Variants in LYRM4 observed in about 807,000 individuals in gnomAD.
LYRM4 encodes the protein LYR motif containing 4.
In LYRM4, 9 loss-of-function variants were observed where a neutral mutation model predicts 11.7. That is an observed-to-expected ratio of 0.77 (90% CI 0.46 to 1.34). The LOEUF (loss-of-function observed/expected upper bound fraction) is 1.34. Among genes scored for constraint, LYRM4 ranks in the 40% most tolerant of loss-of-function variants. The pLI, the probability that LYRM4 is intolerant of heterozygous loss-of-function variation, is 0.00. For missense variants in LYRM4, 133 were observed against 112.5 expected (o/e 1.18, Z -0.82); for synonymous variants, 42 against 40.4 (o/e 1.04, Z -0.15).
chr6:5,246,678 C>G (rs1004777069), intron 1 of LYRM4, among the ~76,000 whole-genome samples: 1 of 151,980 alleles, frequency 6.6e-6, no homozygotes, highest in Admixed American at 6.6e-5. Context: ...GGTGTCCAGA[C>G]AGAATGCGGG....
intron 2 of LYRM4, among the ~76,000 whole-genome samples, chr6:5,135,916 C>A (rs1262615553): frequency 6.6e-6 from 1 of 152,202 alleles, no homozygotes; most frequent in Non-Finnish European, 1.5e-5. Context: ...ACTCTCCATT[C>A]TCCCTCCCCT....
the LYRM4 span, among the ~76,000 whole-genome samples, chr6:5,069,223 C>G: frequency 5.3e-5 from 8 of 152,094 alleles, no homozygotes; most frequent in Non-Finnish European, 8.8e-5. Context: ...TTTCTTTTCA[C>G]TCTTCAAAGT....
At chr6:5,255,878 G>A (rs79142241) in intron 1 of LYRM4, among the ~76,000 whole-genome samples, 13,711 of 152,218 alleles carry the variant, frequency 0.09, 773 homozygotes, top group African/African-American at 0.15. Flanking sequence ...CCCAGGATGA[G>A]AACTACTAAC....
intron 1 of LYRM4, among the ~76,000 whole-genome samples, chr6:5,252,913 T>C (rs1287929421): frequency 1.3e-5 from 2 of 152,106 alleles, no homozygotes; most frequent in Non-Finnish European, 2.9e-5. Flanking sequence ...ACCTTTCCTA[T>C]GTGAGAAGAA....
chr6:5,260,606 C>A (rs1472760585), intron 1 of LYRM4, 42 bp downstream of exon 1: 3 of 1,231,268 alleles, frequency 2.4e-6, no homozygotes, highest in Non-Finnish European at 3.4e-6. Flanking sequence ...GGTCCCCGGC[C>A]CCTGGCCCCC....
chr6:5,229,972 T>C (rs1763135410), intron 1 of LYRM4, among the ~76,000 whole-genome samples: 1 of 152,234 alleles, frequency 6.6e-6, no homozygotes, highest in South Asian at 2.1e-4. Context: ...CTTGGATTTA[T>C]CCTCATAGCC....
intron 2 of LYRM4, among the ~76,000 whole-genome samples, chr6:5,141,567 C>T (rs971470584): frequency 6.6e-6 from 1 of 152,178 alleles, no homozygotes; most frequent in African/African-American, 2.4e-5. Context: ...CGCATACTAA[C>T]ATCAAACATG....
chr6:5,120,138 A>C (rs150388310), intron 2 of LYRM4, among the ~76,000 whole-genome samples: 3 of 152,194 alleles, frequency 2.0e-5, no homozygotes, highest in Non-Finnish European at 4.4e-5. Flanking sequence ...CTCGGGATCC[A>C]TCCACCTCGG....
At chr6:5,119,318 C>A (rs1224616331) in intron 2 of LYRM4, among the ~76,000 whole-genome samples, 1 of 152,128 alleles carries the variant, frequency 6.6e-6, no homozygotes, top group Non-Finnish European at 1.5e-5. Flanking sequence ...AGCGTGCACT[C>A]TTCATCAGCA....
chr6:5,065,669 T>C, the LYRM4 span: 1 of 153,578 alleles, frequency 6.5e-6, no homozygotes, highest in Admixed American at 6.5e-5. Flanking sequence ...GGAGAAATGA[T>C]CTACGTGTCA....
the LYRM4 span, among the ~76,000 whole-genome samples, chr6:5,064,556 AT>A: frequency 6.6e-6 from 1 of 152,122 alleles, no homozygotes; most frequent in Non-Finnish European, 1.5e-5. Flanking sequence ...TTTAAATTCA[AT>A]TAACTTTTTG....
rs534624976 is a variant in LYRM4, at chr6:5,194,401, C to T, written c.207+22217G>A. Among the ~76,000 whole-genome samples the T allele has an allele frequency of 4.6e-5, 7 of 152,210 alleles. No homozygotes were observed. The East Asian group carries it at 1.4e-3, about 29-fold the overall frequency. On this transcript the variant is annotated intron_variant, in intron 2 of 2. Transcript: ENST00000330636. ...GTGTGAACAGGCATACCCTGGTGTG[C>T]GGCTGGTAATGAGCACCAGCTTTAC...
At chr6:5,167,665 C>T (rs1197031362) in intron 2 of LYRM4, among the ~76,000 whole-genome samples, 1 of 152,182 alleles carries the variant, frequency 6.6e-6, no homozygotes, top group Non-Finnish European at 1.5e-5. Context: ...GGAGGCATTT[C>T]ACACACAAAC....
the LYRM4 span, among the ~76,000 whole-genome samples, chr6:5,061,748 C>T: frequency 2.9e-4 from 44 of 152,262 alleles, no homozygotes; most frequent in Admixed American, 2.2e-3. Flanking sequence ...CCAGAGCTCA[C>T]GGGAGTCCCA....
chr6:5,054,021 G>T, the LYRM4 span: 1 of 559,030 alleles, frequency 1.8e-6, no homozygotes, highest in Non-Finnish European at 2.3e-6. Flanking sequence ...AGCAGAAAAT[G>T]ATTAAGATGG....
rs774209205 is a variant in LYRM4, at chr6:5,144,242, G to GGCTGT, written c.208-34756_208-34752dup. 250 of 1,536,900 alleles carry GGCTGT rather than the reference G, an allele frequency of 1.6e-4. 2 individuals carry two copies. Among genetic ancestry groups the GGCTGT allele is most frequent in the Non-Finnish European group, 2.1e-4 (245 of 1,146,898 alleles). On this transcript the variant is annotated intron_variant, in intron 2 of 2. Transcript: ENST00000330636. ...TGCTGTTCCCCGACTTCCTCCTGGCGGCTGTGCCTTGCTCAGCTACCTGCA... is the reference window on the plus strand; with the variant it reads ...TGCTGTTCCCCGACTTCCTCCTGGCGGCTGTGCTGTGCCTTGCTCAGCTACCTGCA...
At chr6:5,091,448 T>G in the LYRM4 span, among the ~76,000 whole-genome samples, 1 of 152,256 alleles carries the variant, frequency 6.6e-6, no homozygotes, top group African/African-American at 2.4e-5. Flanking sequence ...TCACTGATCC[T>G]TAAATCCTTC....
chr6:5,245,089 TAAAAAAAAAAAAAAA>T (rs71540855), intron 1 of LYRM4, among the ~76,000 whole-genome samples: 8 of 15,496 alleles, frequency 5.2e-4, no homozygotes, highest in African/African-American at 1.3e-3. Context: ...AGGAAGACCT[TAAAAAAAAAAAAAAA>T]AAAAAAAAAA....
chr6:5,063,014 C>T, the LYRM4 span, among the ~76,000 whole-genome samples: 1 of 152,108 alleles, frequency 6.6e-6, no homozygotes, highest in East Asian at 1.9e-4. Flanking sequence ...CATCCATTAT[C>T]GAACCACTGG....
Sources: allele counts gnomAD v4.1 joint callset (sites outside exome capture counted in the v4.1 genomes callset), GRCh38; gene constraint gnomAD v4.1.1; transcripts MANE v1.5; gene names NCBI Gene and HGNC (gene_info 2026-07-23, HGNC 2026-07-21).